Variants in RBFOX1 observed in about 807,000 individuals in gnomAD.
The protein encoded by RBFOX1 is RNA binding protein fox-1 homolog 1.
RBFOX1 carries 8 observed loss-of-function variants against 57.7 expected under a neutral mutation model. That is an observed-to-expected ratio of 0.14 (90% CI 0.08 to 0.25). The LOEUF (loss-of-function observed/expected upper bound fraction) is 0.25, where lower values mean the gene tolerates loss of function less well. RBFOX1 is among the 10% of genes least tolerant of loss of function. The pLI, the probability that RBFOX1 is intolerant of heterozygous loss-of-function variation, is 1.00. For missense variants in RBFOX1, 611 were observed against 548.5 expected (o/e 1.11, Z -1.14); for synonymous variants, 326 against 222.4 (o/e 1.47, Z -4.15).
chr16:5,254,482 T>A (rs908568280), intron 1 of RBFOX1, among the ~76,000 whole-genome samples: 10 of 152,210 alleles, frequency 6.6e-5, no homozygotes, highest in Non-Finnish European at 8.8e-5. Context: ...ATGTTTACAC[T>A]TTTTTAAAAA....
chr16:6,814,938 A>T (rs1051659140), intron 3 of RBFOX1, among the ~76,000 whole-genome samples: 22 of 152,194 alleles, frequency 1.4e-4, no homozygotes, highest in African/African-American at 5.3e-4. Flanking sequence ...TTAAGAAAAT[A>T]CAGGAATAAA....
intron 4 of RBFOX1, among the ~76,000 whole-genome samples, chr16:7,321,071 C>CGTATACATATACA (rs1555708876): frequency 1.4e-3 from 104 of 72,936 alleles, no homozygotes; most frequent in African/African-American, 2.9e-3. Flanking sequence ...ATCTGTCTAT[C>CGTATACATATACA]TATACGTATA....
At chr16:6,185,051 CTCTGTGCG>C (rs1231697399) in intron 1 of RBFOX1, among the ~76,000 whole-genome samples, 1 of 152,142 alleles carries the variant, frequency 6.6e-6, no homozygotes, top group Non-Finnish European at 1.5e-5. Context: ...AAGGAGACAG[CTCTGTGCG>C]TCTGTAGAAC....
chr16:5,681,212 C>G (rs1249436351), intron 3 of RBFOX1, among the ~76,000 whole-genome samples: 1 of 149,484 alleles, frequency 6.7e-6, no homozygotes, highest in Non-Finnish European at 1.5e-5. Context: ...TAGCTGGGAT[C>G]ACAGGTGCCT....
intron 3 of RBFOX1, among the ~76,000 whole-genome samples, chr16:6,958,869 T>G (rs530522017): frequency 6.6e-6 from 1 of 152,146 alleles, no homozygotes; most frequent in Non-Finnish European, 1.5e-5. Flanking sequence ...TTTTATTACC[T>G]TTTTTTGAGA....
At chr16:6,935,649 A>G (rs545423213) in intron 3 of RBFOX1, among the ~76,000 whole-genome samples, 17 of 152,334 alleles carry the variant, frequency 1.1e-4, no homozygotes, top group African/African-American at 3.1e-4. Flanking sequence ...CTTTGCTGAC[A>G]TCTTATTCTT....
intron 14 of RBFOX1, among the ~76,000 whole-genome samples, chr16:7,694,902 C>A (rs776758988): frequency 1.3e-5 from 2 of 152,158 alleles, no homozygotes; most frequent in Non-Finnish European, 2.9e-5. Context: ...CTTCTGTTAA[C>A]CCCTGTGCAT....
intron 3 of RBFOX1, among the ~76,000 whole-genome samples, chr16:5,696,046 A>G (rs1352697978): frequency 6.6e-6 from 1 of 152,258 alleles, no homozygotes; most frequent in Non-Finnish European, 1.5e-5. Context: ...TTGAATACAA[A>G]TAGCTAAATC....
intron 2 of RBFOX1, among the ~76,000 whole-genome samples, chr16:6,487,755 A>C (rs2095538271): frequency 8.5e-6 from 1 of 117,330 alleles, no homozygotes; most frequent in Non-Finnish European, 1.7e-5. Flanking sequence ...ATATATATAT[A>C]AAATATTATG....
At chr16:6,218,678 G>A (rs908562445) in intron 1 of RBFOX1, among the ~76,000 whole-genome samples, 11 of 152,044 alleles carry the variant, frequency 7.2e-5, no homozygotes, top group African/African-American at 2.7e-4. Flanking sequence ...TTCACAACAC[G>A]CAGGATATCA....
At chr16:7,242,285 G>C (rs918282723) in intron 4 of RBFOX1, among the ~76,000 whole-genome samples, 1 of 152,162 alleles carries the variant, frequency 6.6e-6, no homozygotes, top group African/African-American at 2.4e-5. Flanking sequence ...GTAAATGTCT[G>C]AATAAAACAC....
intron 1 of RBFOX1, among the ~76,000 whole-genome samples, chr16:6,096,241 G>A (rs1309947478): frequency 6.6e-6 from 1 of 152,190 alleles, no homozygotes; most frequent in East Asian, 1.9e-4. Flanking sequence ...TAGTGGGAAG[G>A]AGAAAAGTTC....
At chr16:6,650,156 TA>T (rs1275600852) in intron 2 of RBFOX1, among the ~76,000 whole-genome samples, 1 of 152,220 alleles carries the variant, frequency 6.6e-6, no homozygotes, top group East Asian at 1.9e-4. Context: ...CCGTTTTTTG[TA>T]ATAACTGTAA....
intron 4 of RBFOX1, among the ~76,000 whole-genome samples, chr16:7,200,382 A>G (rs945852258): frequency 6.6e-6 from 1 of 152,244 alleles, no homozygotes; most frequent in Non-Finnish European, 1.5e-5. Context: ...TGCATCGTTA[A>G]GTATCATCTT....
At chr16:6,310,528 C>A (rs578072891) in intron 1 of RBFOX1, among the ~76,000 whole-genome samples, 2 of 152,144 alleles carry the variant, frequency 1.3e-5, no homozygotes, top group African/African-American at 4.8e-5. Flanking sequence ...CTCACATCAA[C>A]CCTCTGAGGT....
chr16:7,572,745 A>G (rs1435761926), intron 5 of RBFOX1, among the ~76,000 whole-genome samples: 2 of 152,040 alleles, frequency 1.3e-5, no homozygotes, highest in Non-Finnish European at 2.9e-5. Context: ...AGGCTGAGGC[A>G]GGAGAATGGC....
intron 3 of RBFOX1, among the ~76,000 whole-genome samples, chr16:6,740,219 A>T (rs896439300): frequency 6.6e-6 from 1 of 152,112 alleles, no homozygotes; most frequent in African/African-American, 2.4e-5. Context: ...TTGATACACA[A>T]CCAGAAGTCT....
At chr16:7,589,514 T>C (rs2094322830) in intron 7 of RBFOX1, among the ~76,000 whole-genome samples, 1 of 151,904 alleles carries the variant, frequency 6.6e-6, no homozygotes, top group Admixed American at 6.6e-5. Flanking sequence ...GTCTTTATTC[T>C]TTTGGTTTAG....
chr16:5,297,801 C>A (rs1386606260), intron 1 of RBFOX1, among the ~76,000 whole-genome samples: 1 of 152,204 alleles, frequency 6.6e-6, no homozygotes, highest in East Asian at 1.9e-4. Context: ...ATTTTGGGCG[C>A]TACACCGACT....
Sources: allele counts gnomAD v4.1 joint callset (sites outside exome capture counted in the v4.1 genomes callset), GRCh38; gene constraint gnomAD v4.1.1; transcripts MANE v1.5; gene names NCBI Gene and HGNC (gene_info 2026-07-23, HGNC 2026-07-21).